C10orf67: variants seen among roughly 807,000 people sequenced by gnomAD.
C10orf67 encodes the protein chromosome 10 open reading frame 67.
Under a neutral mutation model 35.6 loss-of-function variants are expected in C10orf67, and 60 were observed. That is an observed-to-expected ratio of 1.68 (90% CI 1.37 to 2.09). The LOEUF is 2.09. C10orf67 is among the 30% of genes most tolerant of loss of function. C10orf67 has a pLI of 0.00. For synonymous variants in C10orf67, 167 were observed against 115.8 expected, an observed-to-expected ratio of 1.44 and a Z score of -2.84; for missense variants, 474 against 330.2, an observed-to-expected ratio of 1.44 and a Z score of -3.38.
intron 6 of C10orf67, among the ~76,000 whole-genome samples, chr10:23,290,831 T>C (rs1477869835): frequency 6.6e-6 from 1 of 152,236 alleles, no homozygotes; most frequent in Non-Finnish European, 1.5e-5. Context: ...AAAGTTTCTA[T>C]CTGGCTATAA....
At chr10:23,229,118 T>A (rs1293912499) in intron 13 of C10orf67, among the ~76,000 whole-genome samples, 1 of 152,020 alleles carries the variant, frequency 6.6e-6, no homozygotes, top group Non-Finnish European at 1.5e-5. Flanking sequence ...CATGCTGCTA[T>A]AAAGACACAT....
chr10:23,311,365 T>G (rs998798801), intron 4 of C10orf67, among the ~76,000 whole-genome samples: 1 of 152,178 alleles, frequency 6.6e-6, no homozygotes, highest in Admixed American at 6.5e-5. Flanking sequence ...GGCCTGAGTA[T>G]GACAAAGTTC....
At chr10:23,254,902 T>C (rs1842560718) in intron 10 of C10orf67, among the ~76,000 whole-genome samples, 1 of 152,186 alleles carries the variant, frequency 6.6e-6, no homozygotes, top group African/African-American at 2.4e-5. Flanking sequence ...GTACTTTGCC[T>C]TTTACCTCTA....
chr10:23,255,792 T>C (rs1273789342), intron 10 of C10orf67, among the ~76,000 whole-genome samples: 1 of 152,140 alleles, frequency 6.6e-6, no homozygotes, highest in African/African-American at 2.4e-5. Flanking sequence ...GCGAAATACA[T>C]ACAGCACATA....
At chr10:23,335,389 C>A (rs531697236) in intron 1 of C10orf67, among the ~76,000 whole-genome samples, 1 of 152,146 alleles carries the variant, frequency 6.6e-6, no homozygotes. Context: ...AATTACTAAA[C>A]CTTTCTGTGC....
At chr10:23,294,842 A>AG (rs1843829894) in intron 5 of C10orf67, among the ~76,000 whole-genome samples, 1 of 152,166 alleles carries the variant, frequency 6.6e-6, no homozygotes, top group African/African-American at 2.4e-5. Context: ...ATACCACTAG[A>AG]GGGGGCAGTT....
intron 15 of C10orf67, among the ~76,000 whole-genome samples, chr10:23,209,595 G>A (rs780535367): frequency 5.9e-5 from 9 of 152,156 alleles, no homozygotes; most frequent in African/African-American, 9.7e-5. Flanking sequence ...AGACGGAGAG[G>A]AAGAAAATGG....
At chr10:23,325,693 A>AC (rs397728381) in intron 2 of C10orf67, among the ~76,000 whole-genome samples, 1 of 151,286 alleles carries the variant, frequency 6.6e-6, no homozygotes, top group East Asian at 1.9e-4. Context: ...AAAAAAAAAA[A>AC]CAGGAAAATG....
At chr10:23,310,507 C>T (rs1225503832) in intron 4 of C10orf67, among the ~76,000 whole-genome samples, 1 of 152,222 alleles carries the variant, frequency 6.6e-6, no homozygotes, top group Admixed American at 6.5e-5. Flanking sequence ...AGGGTCCATG[C>T]TGGCCTGGCA....
At chr10:23,263,615 T>C (rs1203295464) in intron 10 of C10orf67, among the ~76,000 whole-genome samples, 1 of 152,172 alleles carries the variant, frequency 6.6e-6, no homozygotes, top group Non-Finnish European at 1.5e-5. Context: ...AGAAGGGCCC[T>C]GATTCTTTCT....
chr10:23,308,989 C>T (rs544404725), intron 4 of C10orf67, among the ~76,000 whole-genome samples: 42 of 152,122 alleles, frequency 2.8e-4, no homozygotes, highest in African/African-American at 9.9e-4. Flanking sequence ...GAACACTCTT[C>T]TTGGGGTCAC....
chr10:23,226,295 C>T lies in C10orf67; in HGVS notation c.1435-2477G>A, dbSNP rs959832249. Among the ~76,000 whole-genome samples, 9 of 152,126 alleles carry T rather than the reference C, an allele frequency of 5.9e-5. No homozygotes were observed. In the East Asian group the frequency reaches 1.7e-3, roughly 29 times the overall value. The stretch of plus-strand genomic sequence containing the variant: ...TCAGGATTAAGAAACTCACTCAAAA[C>T]CACTCAACTACATGGAAACTGAACA... On this transcript the variant is annotated intron_variant, in intron 13 of 15. Coordinates refer to ENST00000636213, the MANE Select transcript of C10orf67 (RefSeq NM_001371909.1).
At chr10:23,214,572 T>G (rs1426030635) in intron 15 of C10orf67, among the ~76,000 whole-genome samples, 1 of 152,044 alleles carries the variant, frequency 6.6e-6, no homozygotes, top group Non-Finnish European at 1.5e-5. Flanking sequence ...AAATATCTTT[T>G]AAAAATAGAA....
At chr10:23,277,421 T>C (rs1335953044) in intron 8 of C10orf67, among the ~76,000 whole-genome samples, 1 of 151,752 alleles carries the variant, frequency 6.6e-6, no homozygotes, top group Non-Finnish European at 1.5e-5. Context: ...GACATCTTGG[T>C]GCATGGCTGT....
rs1842134771 is a variant in C10orf67 at position 23,239,770 on chromosome 10, GA to G, written c.1392del (p.Arg465ValfsTer16). 1 of 653,534 alleles carries G rather than the reference GA, an allele frequency of 1.5e-6. No individual in the cohort carries two copies. The allele number at this position is 653,534 out of a possible 1,614,324, so 40.5% of individuals were successfully genotyped here. Reference sequence around the variant, plus strand: ...GTGTCAGCAAGCACTGCAAACTGACGAAACAGTGTGTGCCTTGTAAACATCT... The same window carrying G: ...GTGTCAGCAAGCACTGCAAACTGACGAACAGTGTGTGCCTTGTAAACATCT... ...KNEMFTRHTL[F>X]RQFAVLADTS... On this transcript the variant is annotated frameshift_variant, in exon 13 of 16. Transcript: ENST00000636213. LOFTEE classifies it high-confidence loss of function.
chr10:23,265,424 C>A (rs534092344), intron 10 of C10orf67, among the ~76,000 whole-genome samples: 3 of 152,216 alleles, frequency 2.0e-5, no homozygotes, highest in African/African-American at 7.2e-5. Context: ...CACGTAGGAA[C>A]AGGACAGAGT....
chr10:23,291,667 G>T (rs1320988281), intron 5 of C10orf67, among the ~76,000 whole-genome samples: 1 of 152,202 alleles, frequency 6.6e-6, no homozygotes, highest in Non-Finnish European at 1.5e-5. Flanking sequence ...ACCAGGACGG[G>T]CAGCGCCAGG....
chr10:23,326,836 G>C (rs528057888), intron 2 of C10orf67, among the ~76,000 whole-genome samples: 3 of 152,156 alleles, frequency 2.0e-5, no homozygotes, highest in African/African-American at 7.2e-5. Flanking sequence ...AAAATTAAGC[G>C]CAGAAAGAAG....
chr10:23,293,427 G>T (rs1015805520), intron 5 of C10orf67, among the ~76,000 whole-genome samples: 1 of 152,238 alleles, frequency 6.6e-6, no homozygotes, highest in Non-Finnish European at 1.5e-5. Flanking sequence ...GTTCTGAGCT[G>T]CTACGGTGCT....
Sources: allele counts gnomAD v4.1 joint callset (sites outside exome capture counted in the v4.1 genomes callset), GRCh38; gene constraint gnomAD v4.1.1; transcripts MANE v1.5; gene names NCBI Gene and HGNC (gene_info 2026-07-23, HGNC 2026-07-21).